The following ENTREP2 variants were observed in gnomAD, a reference collection of about 807,000 sequenced individuals.
ENTREP2 encodes endosomal transmembrane epsin interactor 2, also known as protein ENTREP2.
At chr15:29,438,564 G>C in the ENTREP2 span, among the ~76,000 whole-genome samples, 1 of 151,882 alleles carries the variant, frequency 6.6e-6, no homozygotes, top group African/African-American at 2.4e-5. Context: ...GCCAGCCCAT[G>C]AAGACAGACT....
At chr15:29,595,890 CCTTT>C in the ENTREP2 span, among the ~76,000 whole-genome samples, 1 of 151,956 alleles carries the variant, frequency 6.6e-6, no homozygotes, top group Non-Finnish European at 1.5e-5. Flanking sequence ...TTAACATAAC[CCTTT>C]CTTTATGGGA....
chr15:29,495,006 G>T, the ENTREP2 span, among the ~76,000 whole-genome samples: 3 of 152,146 alleles, frequency 2.0e-5, no homozygotes, highest in African/African-American at 7.2e-5. Flanking sequence ...CAGTGTACAT[G>T]GGGGTGTAGA....
the ENTREP2 span, among the ~76,000 whole-genome samples, chr15:29,494,162 T>G: frequency 6.6e-6 from 1 of 150,562 alleles, no homozygotes; most frequent in Non-Finnish European, 1.5e-5. Flanking sequence ...CAAAAACATA[T>G]ACAAAGTATC....
the ENTREP2 span, among the ~76,000 whole-genome samples, chr15:29,620,862 C>A: frequency 6.6e-6 from 1 of 152,020 alleles, no homozygotes; most frequent in Non-Finnish European, 1.5e-5. Flanking sequence ...AAGAACAAAT[C>A]CCTCTCATTT....
chr15:29,305,351 T>C, the ENTREP2 span, among the ~76,000 whole-genome samples: 2 of 152,082 alleles, frequency 1.3e-5, no homozygotes, highest in Non-Finnish European at 2.9e-5. Flanking sequence ...GGGAGTGACA[T>C]GAGGTGACTT....
chr15:29,496,488 T>C, the ENTREP2 span, among the ~76,000 whole-genome samples: 1 of 152,138 alleles, frequency 6.6e-6, no homozygotes, highest in African/African-American at 2.4e-5. Context: ...GTGGGCATCC[T>C]TGTCTTCTTC....
At chr15:29,445,533 T>C in the ENTREP2 span, among the ~76,000 whole-genome samples, 1 of 152,136 alleles carries the variant, frequency 6.6e-6, no homozygotes, top group African/African-American at 2.4e-5. Flanking sequence ...ATAACTGGAT[T>C]TGGAGAGCTT....
At chr15:29,371,907 AATAAATAGATAGATAG>A in the ENTREP2 span, among the ~76,000 whole-genome samples, 3 of 118,880 alleles carry the variant, frequency 2.5e-5, no homozygotes, top group Admixed American at 8.8e-5. Context: ...GGCAAAAATA[AATAAATAGATAGATAG>A]ATAGATAGAT....
At chr15:29,461,483 T>A in the ENTREP2 span, among the ~76,000 whole-genome samples, 1 of 152,084 alleles carries the variant, frequency 6.6e-6, no homozygotes, top group Non-Finnish European at 1.5e-5. Context: ...CAGTTTTTTA[T>A]TTTTTTATCA....
At chr15:29,320,061 C>A in the ENTREP2 span, among the ~76,000 whole-genome samples, 1 of 152,170 alleles carries the variant, frequency 6.6e-6, no homozygotes, top group East Asian at 1.9e-4. Context: ...TGGGGGAAGG[C>A]GTTTTCCTGA....
At chr15:29,246,129 C>A in the ENTREP2 span, among the ~76,000 whole-genome samples, 1,393 of 152,242 alleles carry the variant, frequency 9.1e-3, 19 homozygotes, top group African/African-American at 0.031. Flanking sequence ...CAGTGGCTTA[C>A]GCCTGTAAAC....
At chr15:29,343,034 G>GGGA in the ENTREP2 span, among the ~76,000 whole-genome samples, 2 of 147,248 alleles carry the variant, frequency 1.4e-5, no homozygotes, top group African/African-American at 4.9e-5. Flanking sequence ...GAATGGGGGG[G>GGGA]GTGGTTCTTC....
the ENTREP2 span, among the ~76,000 whole-genome samples, chr15:29,562,506 G>A: frequency 6.6e-6 from 1 of 152,156 alleles, no homozygotes; most frequent in Admixed American, 6.5e-5. Context: ...AAGCCATGGG[G>A]TAAATGCAAT....
chr15:29,231,586 A>C, the ENTREP2 span, among the ~76,000 whole-genome samples: 2 of 152,340 alleles, frequency 1.3e-5, no homozygotes, highest in African/African-American at 4.8e-5. Context: ...TATAGTATTT[A>C]TATCCATATA....
At chr15:29,467,253 G>C in the ENTREP2 span, among the ~76,000 whole-genome samples, 88 of 152,244 alleles carry the variant, frequency 5.8e-4, no homozygotes, top group African/African-American at 2.0e-3. Context: ...CTATTGGAGT[G>C]AACAATGGAC....
chr15:29,269,253 A>C, the ENTREP2 span: 1 of 1,614,056 alleles, frequency 6.2e-7, no homozygotes, highest in Admixed American at 1.7e-5. Flanking sequence ...TGAGGATGTA[A>C]GTGTTGCTCT....
chr15:29,547,422 C>G, the ENTREP2 span, among the ~76,000 whole-genome samples: 1 of 152,042 alleles, frequency 6.6e-6, no homozygotes. Flanking sequence ...GAGTAAAAGA[C>G]TTGAATAGAC....
At chr15:29,593,004 C>A in the ENTREP2 span, among the ~76,000 whole-genome samples, 2 of 152,090 alleles carry the variant, frequency 1.3e-5, no homozygotes, top group South Asian at 2.1e-4. Flanking sequence ...GAACCATGAG[C>A]CGAATAATAA....
the ENTREP2 span, among the ~76,000 whole-genome samples, chr15:29,395,277 T>C: frequency 6.6e-6 from 1 of 152,088 alleles, no homozygotes; most frequent in African/African-American, 2.4e-5. Flanking sequence ...TTGGGTTGCT[T>C]CCACCTTTTA....
Sources: allele counts gnomAD v4.1 joint callset (sites outside exome capture counted in the v4.1 genomes callset), GRCh38; gene constraint gnomAD v4.1.1; transcripts MANE v1.5; gene names NCBI Gene and HGNC (gene_info 2026-07-23, HGNC 2026-07-21).